Variants in SCN9A observed in about 807,000 individuals in gnomAD.
SCN9A encodes sodium voltage-gated channel alpha subunit 9, also known as sodium channel protein type 9 subunit alpha.
In SCN9A, 131 loss-of-function variants were observed where a neutral mutation model predicts 187.0. The observed-to-expected ratio is 0.70, with a 90% CI of 0.61 to 0.81. The LOEUF is 0.81. Among genes scored for constraint, SCN9A ranks in the 30% least tolerant of loss-of-function variants. The pLI, the probability that SCN9A is intolerant of heterozygous loss-of-function variation, is 0.00. For synonymous variants in SCN9A, 809 were observed against 808.6 expected (o/e 1.00, Z -0.01); for missense variants, 2,252 against 2,396.6 (o/e 0.94, Z 1.26).
At chr2:166,329,697 A>T (rs1035910822) in intron 1 of SCN9A, among the ~76,000 whole-genome samples, 5 of 152,138 alleles carry the variant, frequency 3.3e-5, no homozygotes, top group Non-Finnish European at 7.4e-5. Flanking sequence ...GTTGGGGAAA[A>T]CCAGCAGGTA....
rs1574864878 is a variant in SCN9A, at chr2:166,284,827, G to A, written c.1603-3C>T. On this transcript the variant is annotated splice_polypyrimidine_tract_variant and splice_region_variant and intron_variant, in intron 11 of 26. Transcript: ENST00000642356. ...GAGCCACGAATGCTGAGTGGTGACT[G>A]CAGAAAAATTAAAAAAAACGTGGTT... 2 of 1,592,662 alleles carry A rather than the reference G, an allele frequency of 1.3e-6. No homozygotes were observed. Among genetic ancestry groups the A allele is most frequent in the Non-Finnish European group, 8.5e-7 (1 of 1,172,730 alleles).
rs1450432824 is a variant in SCN9A at position 166,304,280 on chromosome 2, A to G, written c.646T>C (p.Phe216Leu). 1.9e-6 allele frequency: 3 copies of G among 1,613,612 alleles called. No homozygotes were observed. The highest frequency in any genetic ancestry group is 2.5e-6 in the Non-Finnish European group (3 of 1,179,572). ...GTTTTCAAAGCTCTCAATACTCTGA[A>G]AGTTCGAAGAGCTGAAACATTGCCT... ...NLGNVSALRT[F>L]RVLRALKTIS... Residue 216 changes from phenylalanine (F) to leucine (L), a missense_variant, in exon 6 of 27, where the codon TTC becomes CTC. This residue lies in a region of SCN9A where 1,013 missense variants were observed against 997.4 expected (regional missense o/e 1.02). Transcript: ENST00000642356.
At chr2:166,327,711 CTT>C (rs1159228554) in intron 1 of SCN9A, among the ~76,000 whole-genome samples, 1 of 152,074 alleles carries the variant, frequency 6.6e-6, no homozygotes, top group Non-Finnish European at 1.5e-5. Flanking sequence ...TTGCTTTTAA[CTT>C]TATAATCTTT....
chr2:166,365,997 G>A (rs1356859191), intron 1 of SCN9A, among the ~76,000 whole-genome samples: 1 of 152,182 alleles, frequency 6.6e-6, no homozygotes, highest in African/African-American at 2.4e-5. Context: ...TAAATGCTGA[G>A]AGGAGTGAGG....
At chr2:166,215,359 A>C (rs571216705) in intron 24 of SCN9A, among the ~76,000 whole-genome samples, 1 of 152,176 alleles carries the variant, frequency 6.6e-6, no homozygotes, top group Non-Finnish European at 1.5e-5. Context: ...GAAAATCTCA[A>C]ATAAACAACC....
rs1461012444 is a variant in SCN9A, at chr2:166,277,325, C to A, written c.2532G>T (p.Lys844Asn). 1 of 1,606,418 alleles carries A rather than the reference C, an allele frequency of 6.2e-7. No individual in the cohort carries two copies. The highest frequency in any genetic ancestry group is 8.5e-7 in the Non-Finnish European group (1 of 1,174,352). Residue 844 changes from lysine (K) to asparagine (N), a missense_variant, in exon 16 of 27, where the codon AAG becomes AAT. By Grantham distance (94) the Lys-to-Asn change is moderately conservative. Coordinates refer to ENST00000642356, the MANE Select transcript of SCN9A (RefSeq NM_001365536.1). The stretch of plus-strand genomic sequence containing the variant: ...TCAATGTTGGCCAGGATTTTGCCAA[C>A]TTGAAGACTCGGAGCTAAAAGCAAA... Reference protein sequence around the residue: ...LRSFRLLRVFKLAKSWPTLNM... With the variant: ...LRSFRLLRVFNLAKSWPTLNM...
At position 166,272,485 on chromosome 2, in the gene SCN9A, C is replaced by T. The variant is rs886055053; in HGVS notation, c.3265G>A (p.Val1089Met). The T allele has an allele frequency of 1.2e-6, 2 of 1,613,036 alleles. No homozygotes were observed. The highest frequency in any genetic ancestry group is 2.7e-5 in the African/African-American group (2 of 75,008). Residue 1089 changes from valine to methionine, a missense_variant, in exon 17 of 27, where the codon GTG becomes ATG. Physicochemically the swap from Val to Met is conservative, Grantham distance 21. Around this residue, in one of 7 missense-constraint regions of SCN9A, gnomAD observed 313 missense variants for 295.3 expected, o/e 1.06. Coordinates refer to ENST00000642356, the MANE Select transcript of SCN9A (RefSeq NM_001365536.1). ...TCGGATTCCCCAGGTGCAATTGGCA[C>T]TGTCACTGTGAGGCTGGGATTGTGA... ...FIHNPSLTVT[V>M]PIAPGESDLE...
chr2:166,270,399 T>C (rs1019790822), intron 17 of SCN9A, among the ~76,000 whole-genome samples: 1 of 151,916 alleles, frequency 6.6e-6, no homozygotes, highest in East Asian at 1.9e-4. Context: ...ATTGAGCATC[T>C]GCAGATTTTA....
At chr2:166,334,803 T>C (rs1699588169) in intron 1 of SCN9A, among the ~76,000 whole-genome samples, 1 of 152,178 alleles carries the variant, frequency 6.6e-6, no homozygotes, top group African/African-American at 2.4e-5. Context: ...TAAAAAATAC[T>C]TGTAGCACAA....
intron 1 of SCN9A, among the ~76,000 whole-genome samples, chr2:166,314,688 A>G (rs1412540618): frequency 6.6e-6 from 1 of 152,216 alleles, no homozygotes; most frequent in Non-Finnish European, 1.5e-5. Flanking sequence ...CCCGTGAAAG[A>G]ACACAGAGCC....
At chr2:166,267,411 A>G (rs1166627153) in intron 17 of SCN9A, among the ~76,000 whole-genome samples, 2 of 151,924 alleles carry the variant, frequency 1.3e-5, no homozygotes, top group African/African-American at 2.4e-5. Flanking sequence ...TTTCCAGTTG[A>G]GCATGGTGAA....
intron 2 of SCN9A, among the ~76,000 whole-genome samples, chr2:166,309,910 T>C (rs1259176176): frequency 6.9e-6 from 1 of 144,442 alleles, no homozygotes; most frequent in Non-Finnish European, 1.5e-5. Flanking sequence ...GAGATATAGA[T>C]CAATGGAACA....
At chr2:166,334,741 C>T (rs116013127) in intron 1 of SCN9A, among the ~76,000 whole-genome samples, 2,312 of 152,168 alleles carry the variant, frequency 0.015, 53 homozygotes, top group African/African-American at 0.052. Flanking sequence ...ATTTTTATTA[C>T]GGCAGTAGAT....
intron 17 of SCN9A, among the ~76,000 whole-genome samples, chr2:166,261,522 C>T (rs1553485029): frequency 6.6e-6 from 1 of 151,878 alleles, no homozygotes; most frequent in Non-Finnish European, 1.5e-5. Flanking sequence ...AGAAAAAACA[C>T]ATGTGAAGAT....
intron 17 of SCN9A, among the ~76,000 whole-genome samples, chr2:166,262,569 C>T (rs920016545): frequency 2.0e-5 from 3 of 151,884 alleles, no homozygotes; most frequent in Non-Finnish European, 4.4e-5. Flanking sequence ...CTGAATTACA[C>T]CATTACAGAG....
At chr2:166,340,629 T>C (rs1699762680) in intron 1 of SCN9A, among the ~76,000 whole-genome samples, 1 of 147,394 alleles carries the variant, frequency 6.8e-6, no homozygotes, top group Non-Finnish European at 1.5e-5. Flanking sequence ...TCCTTTCTCT[T>C]CTTTCTTTTT....
chr2:166,328,918 A>T (rs1699430055), intron 1 of SCN9A, among the ~76,000 whole-genome samples: 1 of 152,112 alleles, frequency 6.6e-6, no homozygotes, highest in Non-Finnish European at 1.5e-5. Context: ...CATTTGAGTG[A>T]TTTAATTGGT....
chr2:166,311,323 G>GA (rs1698936815), intron 2 of SCN9A, among the ~76,000 whole-genome samples, 176 bp downstream of exon 2: 3 of 63,326 alleles, frequency 4.7e-5, no homozygotes, highest in Non-Finnish European at 5.9e-5. Flanking sequence ...TACAGATTCT[G>GA]AATATCCTAT....
chr2:166,357,195 T>C (rs549194158), intron 1 of SCN9A, among the ~76,000 whole-genome samples: 1 of 152,352 alleles, frequency 6.6e-6, no homozygotes, highest in Non-Finnish European at 1.5e-5. Context: ...CTCTCACTTA[T>C]AAGTGAGGAC....
Sources: gnomAD v4.1 joint callset for allele counts (sites outside exome capture counted in the v4.1 genomes callset) on GRCh38, gnomAD v4.1.1 for gene constraint, gnomAD v4.1.1 regional missense constraint, MANE v1.5 for transcripts, NCBI Gene and HGNC (gene_info 2026-07-23, HGNC 2026-07-21) for gene names.